The following AOPEP variants were observed in gnomAD, a reference collection of about 807,000 sequenced individuals.
The protein encoded by AOPEP is aminopeptidase O.
Under a neutral mutation model 98.1 loss-of-function variants are expected in AOPEP, and 77 were observed. The ratio of observed to expected loss-of-function variants is 0.78; its 90% CI spans 0.65 to 0.95. The LOEUF (loss-of-function observed/expected upper bound fraction) is 0.95, where lower values mean the gene tolerates loss of function less well. Ranked by LOEUF, AOPEP falls within the 40% of genes least tolerant of loss-of-function variation. The pLI, the probability that AOPEP is intolerant of heterozygous loss-of-function variation, is 0.00. For synonymous variants in AOPEP, 346 were observed against 365.3 expected, an observed-to-expected ratio of 0.95 and a Z score of 0.60; for missense variants, 1,024 against 1,024.7, an observed-to-expected ratio of 1.00 and a Z score of 0.01.
At chr9:94,796,183 G>A (rs1397011420) in intron 4 of AOPEP, among the ~76,000 whole-genome samples, 1 of 152,220 alleles carries the variant, frequency 6.6e-6, no homozygotes, top group African/African-American at 2.4e-5. Context: ...CTAGGGAAGC[G>A]CGTCTTTCCA....
intron 13 of AOPEP, among the ~76,000 whole-genome samples, chr9:95,034,979 CTTTTTTTTTTTTTT>C (rs1268291267): frequency 6.9e-6 from 1 of 144,602 alleles, no homozygotes; most frequent in African/African-American, 2.5e-5. Context: ...TTTCTTTTTT[CTTTTTTTTTTTTTT>C]ATACTTTTAA....
chr9:94,827,184 G>A (rs1407789090), intron 5 of AOPEP, among the ~76,000 whole-genome samples: 3 of 152,188 alleles, frequency 2.0e-5, no homozygotes, highest in Admixed American at 1.3e-4. Context: ...GAACCCCAGA[G>A]TCATTAGTAG....
intron 5 of AOPEP, among the ~76,000 whole-genome samples, chr9:94,914,849 T>C (rs1003860562): frequency 4.6e-5 from 7 of 152,198 alleles, no homozygotes; most frequent in African/African-American, 1.7e-4. Flanking sequence ...ACAAACTCTC[T>C]TGGGGTGAGG....
intron 16 of AOPEP, among the ~76,000 whole-genome samples, chr9:95,083,979 C>T (rs554904863): frequency 2.6e-5 from 4 of 152,224 alleles, no homozygotes; most frequent in African/African-American, 4.8e-5. Context: ...AGCAACCTAG[C>T]GGTAGTACAC....
chr9:94,761,098 TCATGTAACGTGA>T (rs1439512591), intron 2 of AOPEP, among the ~76,000 whole-genome samples: 2 of 151,528 alleles, frequency 1.3e-5, no homozygotes, highest in African/African-American at 4.9e-5. Flanking sequence ...TTGTCAGTTT[TCATGTAACGTGA>T]CCCCCCCCAA....
chr9:95,095,237 T>G, the AOPEP span, among the ~76,000 whole-genome samples: 1 of 152,208 alleles, frequency 6.6e-6, no homozygotes, highest in South Asian at 2.1e-4. Flanking sequence ...TGACAGGCTG[T>G]CCTCCGAAAA....
chr9:95,036,213 C>T (rs955096802), intron 13 of AOPEP, among the ~76,000 whole-genome samples: 2 of 152,172 alleles, frequency 1.3e-5, no homozygotes, highest in African/African-American at 4.8e-5. Context: ...GAATCTTCCA[C>T]TGATCTTGCC....
intron 3 of AOPEP, among the ~76,000 whole-genome samples, chr9:94,785,215 G>A (rs1488740997): frequency 2.6e-5 from 4 of 152,208 alleles, no homozygotes; most frequent in East Asian, 1.9e-4. Context: ...GATTATAGGC[G>A]TGAGCCACTG....
rs1317730273 is a variant in AOPEP, at chr9:95,004,923, G to C, written c.1978-235G>C. 3.4e-5 allele frequency: 5 copies of C among 145,738 alleles called. No individual in the cohort carries two copies. The East Asian group carries it at 1.0e-3, about 29-fold the overall frequency. 9.0% of individuals were successfully genotyped at this position (145,738 alleles called of 1,614,324 possible). A position where few individuals can be genotyped will look rare whatever the true frequency, so the allele number is the denominator to read the frequency against. Reference sequence around the variant, plus strand: ...TACCTTTAAGGCAGGCCCCGCCCCCGCTCGGTGCCCGCCCGCCCGCCCGCG... The same window carrying C: ...TACCTTTAAGGCAGGCCCCGCCCCCCCTCGGTGCCCGCCCGCCCGCCCGCG... On this transcript the variant is annotated intron_variant, in intron 11 of 16. Transcript: ENST00000375315.
intron 5 of AOPEP, among the ~76,000 whole-genome samples, chr9:94,823,892 AT>A (rs1243338659): frequency 6.6e-6 from 1 of 152,208 alleles, no homozygotes; most frequent in African/African-American, 2.4e-5. Flanking sequence ...TGAAAACACC[AT>A]CTATGAAAGA....
At chr9:94,811,982 G>A (rs1000415280) in intron 5 of AOPEP, among the ~76,000 whole-genome samples, 44 of 152,134 alleles carry the variant, frequency 2.9e-4, no homozygotes, top group African/African-American at 1.0e-3. Context: ...CCAACACTTC[G>A]ATAGTTTCAA....
chr9:94,989,051 G>C (rs1174610743), intron 11 of AOPEP, among the ~76,000 whole-genome samples: 1 of 151,402 alleles, frequency 6.6e-6, no homozygotes, highest in East Asian at 1.9e-4. Context: ...TCAGGTAGCT[G>C]GGATTACAGG....
intron 13 of AOPEP, among the ~76,000 whole-genome samples, chr9:95,035,709 CGA>C (rs2064756913): frequency 6.6e-6 from 1 of 151,476 alleles, no homozygotes; most frequent in African/African-American, 2.4e-5. Context: ...TTAGTAGAGA[CGA>C]GGTTTCTCCA....
At chr9:95,139,824 A>G in the AOPEP span, among the ~76,000 whole-genome samples, 480 of 147,054 alleles carry the variant, frequency 3.3e-3, 7 homozygotes, top group East Asian at 0.042. Flanking sequence ...CAAAATGAAT[A>G]TATATATATT....
At chr9:95,143,343 A>G in the AOPEP span, among the ~76,000 whole-genome samples, 2 of 152,134 alleles carry the variant, frequency 1.3e-5, no homozygotes, top group African/African-American at 4.8e-5. Context: ...TGTAAGCACG[A>G]CTGATTAAAT....
At chr9:95,029,355 T>G (rs2133335671) in intron 13 of AOPEP, among the ~76,000 whole-genome samples, 1 of 152,314 alleles carries the variant, frequency 6.6e-6, no homozygotes, top group Non-Finnish European at 1.5e-5. Context: ...CCTTTGTCCT[T>G]TTGTCTGCGT....
chr9:94,954,140 T>A (rs1233122583), intron 7 of AOPEP, among the ~76,000 whole-genome samples: 1 of 152,072 alleles, frequency 6.6e-6, no homozygotes, highest in African/African-American at 2.4e-5. Context: ...CTGGCCAACA[T>A]GGCGAAACCC....
At chr9:95,149,280 G>A in the AOPEP span, among the ~76,000 whole-genome samples, 1 of 151,984 alleles carries the variant, frequency 6.6e-6, no homozygotes, top group Admixed American at 6.6e-5. Context: ...ATAGTCGCTG[G>A]GGCCTACCTG....
chr9:95,013,128 A>G (rs2062694088), intron 13 of AOPEP, among the ~76,000 whole-genome samples: 1 of 151,930 alleles, frequency 6.6e-6, no homozygotes, highest in Admixed American at 6.6e-5. Flanking sequence ...TCCTCTGAAA[A>G]TCCTTTTACT....
Sources: gnomAD v4.1 joint callset for allele counts (sites outside exome capture counted in the v4.1 genomes callset) on GRCh38, gnomAD v4.1.1 for gene constraint, MANE v1.5 for transcripts, NCBI Gene and HGNC (gene_info 2026-07-23, HGNC 2026-07-21) for gene names.